NRG4: variants seen among roughly 807,000 people sequenced by gnomAD.
NRG4 encodes the protein pro-neuregulin-4, membrane-bound isoform.
In NRG4, 10 loss-of-function variants were observed where a neutral mutation model predicts 15.0. The ratio of observed to expected loss-of-function variants is 0.67; its 90% CI spans 0.41 to 1.13. NRG4 has a LOEUF of 1.13. Among genes scored for constraint, NRG4 ranks in the 50% most tolerant of loss-of-function variants. The pLI is 0.00. For synonymous variants in NRG4, 41 were observed against 50.1 expected (o/e 0.82, Z 0.77); for missense variants, 139 against 140.2 (o/e 0.99, Z 0.04).
At chr15:76,002,515 G>A (rs1193889606) in intron 3 of NRG4, among the ~76,000 whole-genome samples, 1 of 152,064 alleles carries the variant, frequency 6.6e-6, no homozygotes, top group Non-Finnish European at 1.5e-5. Context: ...TTCATTAAAT[G>A]CAGATGGACT....
intron 3 of NRG4, among the ~76,000 whole-genome samples, chr15:75,995,584 A>G (rs2034185672): frequency 6.6e-6 from 1 of 152,178 alleles, no homozygotes; most frequent in African/African-American, 2.4e-5. Context: ...TCCAAACTAT[A>G]TCACACCTCA....
At chr15:75,979,868 CAA>C (rs1324628732) in intron 3 of NRG4, among the ~76,000 whole-genome samples, 1 of 152,110 alleles carries the variant, frequency 6.6e-6, no homozygotes, top group African/African-American at 2.4e-5. Flanking sequence ...AGACAAATTA[CAA>C]AGAGTTCATC....
chr15:75,991,235 T>C (rs2141871569), intron 3 of NRG4, among the ~76,000 whole-genome samples: 1 of 152,332 alleles, frequency 6.6e-6, no homozygotes, highest in South Asian at 2.1e-4. Flanking sequence ...AACTTTATTG[T>C]GTGAAAGCAG....
intron 3 of NRG4, among the ~76,000 whole-genome samples, chr15:75,972,530 T>C (rs1410468704): frequency 6.6e-6 from 1 of 152,210 alleles, no homozygotes; most frequent in African/African-American, 2.4e-5. Flanking sequence ...TTAATTCATC[T>C]TGAGTTAATT....
intron 5 of NRG4, among the ~76,000 whole-genome samples, chr15:76,019,795 C>T (rs975078285): frequency 6.6e-6 from 1 of 152,206 alleles, no homozygotes; most frequent in Admixed American, 6.5e-5. Context: ...ATTCGGCCAT[C>T]TTGCCAGCCA....
intron 3 of NRG4, among the ~76,000 whole-genome samples, chr15:76,007,755 CTT>C (rs2141904098): frequency 6.6e-6 from 1 of 152,170 alleles, no homozygotes; most frequent in East Asian, 1.9e-4. Flanking sequence ...GATAAGCATT[CTT>C]GTTTTATTTT....
At chr15:75,981,507 T>G (rs1488981392) in intron 3 of NRG4, among the ~76,000 whole-genome samples, 1 of 152,162 alleles carries the variant, frequency 6.6e-6, no homozygotes, top group Non-Finnish European at 1.5e-5. Context: ...TTTGTGTAAC[T>G]AAAAACTTAA....
intron 3 of NRG4, chr15:75,969,224 C>T: frequency 1.8e-5 from 8 of 456,204 alleles, no homozygotes; most frequent in Non-Finnish European, 3.5e-5. Flanking sequence ...CAGTTCACTT[C>T]CTGACAAAAG....
At chr15:75,986,599 A>G (rs1332169743) in intron 3 of NRG4, among the ~76,000 whole-genome samples, 1 of 152,250 alleles carries the variant, frequency 6.6e-6, no homozygotes, top group East Asian at 1.9e-4. Flanking sequence ...ATTGGCTTAT[A>G]TATGCACAAA....
intron 3 of NRG4, among the ~76,000 whole-genome samples, chr15:76,001,250 GC>G (rs770948233): frequency 1.1e-4 from 16 of 151,818 alleles, no homozygotes; most frequent in Non-Finnish European, 2.1e-4. Flanking sequence ...TCCTGCCTTG[GC>G]CTCCCAAAGT....
intron 3 of NRG4, among the ~76,000 whole-genome samples, chr15:75,995,287 T>C (rs1226768758): frequency 6.6e-6 from 1 of 152,086 alleles, no homozygotes; most frequent in African/African-American, 2.4e-5. Flanking sequence ...TGCCAGCATC[T>C]GCTTCTGGTG....
chr15:75,949,646 T>A (rs2031761123), intron 5 of NRG4, among the ~76,000 whole-genome samples: 1 of 152,234 alleles, frequency 6.6e-6, no homozygotes, highest in African/African-American at 2.4e-5. Context: ...TTTTGTATTG[T>A]ATCTAAAAAT....
At chr15:76,037,129 C>T (rs148374640) in intron 4 of NRG4, among the ~76,000 whole-genome samples, 5 of 152,250 alleles carry the variant, frequency 3.3e-5, no homozygotes, top group African/African-American at 4.8e-5. Flanking sequence ...AAAGCAATCT[C>T]GAGGGATGGA....
chr15:75,949,043 AGACCCT>A (rs1174216840), intron 5 of NRG4, among the ~76,000 whole-genome samples: 1 of 152,220 alleles, frequency 6.6e-6, no homozygotes, highest in Non-Finnish European at 1.5e-5. Context: ...CAACAGAGCG[AGACCCT>A]GTCTCAAACA....
chr15:76,006,480 C>CT (rs989123205), intron 3 of NRG4, among the ~76,000 whole-genome samples: 7 of 151,688 alleles, frequency 4.6e-5, no homozygotes, highest in African/African-American at 1.7e-4. Context: ...TTTTTTTATC[C>CT]TTTTTTCTCA....
intron 5 of NRG4, among the ~76,000 whole-genome samples, chr15:76,027,115 C>T (rs576036279): frequency 2.0e-5 from 3 of 151,912 alleles, no homozygotes; most frequent in Non-Finnish European, 4.4e-5. Context: ...AGCGGGACTC[C>T]ATCTCAAAAA....
intron 5 of NRG4, among the ~76,000 whole-genome samples, chr15:76,031,078 A>G (rs368729477): frequency 2.4e-4 from 36 of 152,212 alleles, no homozygotes; most frequent in African/African-American, 4.3e-4. Flanking sequence ...TGTGTGAATT[A>G]ATACAATTCA....
At chr15:76,017,155 C>CTTTTTTTTTTTTTTTTTT (rs66838505), upstream of NRG4, among the ~76,000 whole-genome samples, 61 of 52,326 alleles carry the variant, frequency 1.2e-3, no homozygotes, top group Admixed American at 2.4e-3. Context: ...CAACCCCTGC[C>CTTTTTTTTTTTTTTTTTT]TTTTTTTTTT....
chr15:76,055,206 G>A (rs139881324), intron 2 of NRG4, among the ~76,000 whole-genome samples: 6 of 152,222 alleles, frequency 3.9e-5, no homozygotes, highest in Middle Eastern at 3.4e-3. Context: ...TTGCTTGAAC[G>A]GCGGAGGCGG....
Sources: allele counts gnomAD v4.1 joint callset (sites outside exome capture counted in the v4.1 genomes callset), GRCh38; gene constraint gnomAD v4.1.1; transcripts MANE v1.5; gene names NCBI Gene and HGNC (gene_info 2026-07-23, HGNC 2026-07-21).